Variants in KIF18A observed in about 807,000 individuals in gnomAD.
KIF18A encodes kinesin family member 18A, also known as kinesin-like protein KIF18A.
A neutral mutation model predicts 103.3 loss-of-function variants in KIF18A; 67 were observed. That is an observed-to-expected ratio of 0.65 (90% CI 0.53 to 0.79). KIF18A has a LOEUF of 0.79. KIF18A is among the 30% of genes least tolerant of loss of function. KIF18A has a pLI of 0.00. For missense variants in KIF18A, 1,032 were observed against 1,062.5 expected, an observed-to-expected ratio of 0.97 and a Z score of 0.40; for synonymous variants, 367 against 355.5, an observed-to-expected ratio of 1.03 and a Z score of -0.36.
chr11:28,072,212 CCACAA>C (rs1851025897), intron 10 of KIF18A, among the ~76,000 whole-genome samples: 1 of 152,150 alleles, frequency 6.6e-6, no homozygotes, highest in Non-Finnish European at 1.5e-5. Flanking sequence ...CCCCTGCACA[CCACAA>C]AAGTCTTGCG....
intron 15 of KIF18A, among the ~76,000 whole-genome samples, chr11:28,028,827 TA>T (rs1300389442): frequency 6.6e-6 from 1 of 151,340 alleles, no homozygotes; most frequent in Admixed American, 6.6e-5. Context: ...ATAGACACAA[TA>T]AAAAAAGATA....
In KIF18A at chr11:28,043,127, C is replaced by A. The variant is rs543335544; in HGVS notation, c.1949-6463G>T. ...GGCAACATCTGAACACTAAAAGTAGCGCTAAGAGGCTCTAAAATTCAGTCC... is the reference window on the plus strand; with the variant it reads ...GGCAACATCTGAACACTAAAAGTAGAGCTAAGAGGCTCTAAAATTCAGTCC... On this transcript the variant is annotated intron_variant, in intron 13 of 16. Transcript: ENST00000263181. 3.3e-5 allele frequency among the ~76,000 whole-genome samples: 5 copies of A among 151,848 alleles called. No individual in the cohort carries two copies. In the East Asian group the frequency reaches 9.7e-4, roughly 30 times the overall value.
chr11:28,040,457 T>G (rs1471702625), intron 13 of KIF18A, among the ~76,000 whole-genome samples: 1 of 151,550 alleles, frequency 6.6e-6, no homozygotes, highest in African/African-American at 2.4e-5. Context: ...AGAGTAGAAG[T>G]GATAAGAAGG....
chr11:28,089,654 G>C (rs1464101308), intron 5 of KIF18A, among the ~76,000 whole-genome samples: 5 of 152,132 alleles, frequency 3.3e-5, no homozygotes, highest in Admixed American at 3.3e-4. Flanking sequence ...TATGTGGACT[G>C]TTGTTGACTG....
At chr11:28,103,436 AAAG>A (rs746394609) in intron 1 of KIF18A, among the ~76,000 whole-genome samples, 7 of 152,130 alleles carry the variant, frequency 4.6e-5, no homozygotes, top group African/African-American at 7.2e-5. Flanking sequence ...GGGTATCAAA[AAAG>A]AAGAATGAAG....
In KIF18A at chr11:28,088,617, G is replaced by T. The variant is rs371665658; in HGVS notation, c.804C>A (p.Ser268=). ...DLAGSERAST[S]GAKGTRFVEG... is the part of the protein sequence containing the mutation. ...CTACAAATCGGGTCCCCTTAGCACC[G>T]GAAGTACTTGCTCGCTCAGATCCTG... is the stretch of plus-strand genomic sequence containing the variant. Residue 268 remains serine (S), a synonymous_variant, in exon 6 of 17, where the codon TCC becomes TCA. Coordinates refer to ENST00000263181, the MANE Select transcript of KIF18A (RefSeq NM_031217.4). 6.2e-7 allele frequency: 1 copy of T among 1,613,788 alleles called. No homozygotes were observed. The highest frequency in any genetic ancestry group is 1.3e-5 in the African/African-American group (1 of 74,886).
intron 2 of KIF18A, 49 bp from the exon 3 acceptor site, chr11:28,094,849 CTATTA>C: frequency 6.6e-7 from 1 of 1,515,914 alleles, no homozygotes. Context: ...AAATATAACT[CTATTA>C]TATCTACTAT....
intron 1 of KIF18A, among the ~76,000 whole-genome samples, chr11:28,107,005 TTAC>T (rs1851529035): frequency 6.6e-6 from 1 of 152,098 alleles, no homozygotes; most frequent in Admixed American, 6.5e-5. Flanking sequence ...AGGAGATTAA[TTAC>T]TACTATTAAA....
chr11:28,058,592 G>A (rs1240858195), intron 13 of KIF18A, among the ~76,000 whole-genome samples: 3 of 143,950 alleles, frequency 2.1e-5, no homozygotes, highest in African/African-American at 2.6e-5. Context: ...AGCCCAGGAG[G>A]TGGAGGCTGC....
In KIF18A at chr11:28,059,126, T is replaced by C. The variant is rs1850825367; in HGVS notation, c.1748A>G (p.Gln583Arg). 1.2e-6 allele frequency: 2 copies of C among 1,614,024 alleles called. No individual in the cohort carries two copies. Among genetic ancestry groups the C allele is most frequent in the Non-Finnish European group, 1.7e-6 (2 of 1,179,900 alleles). Residue 583 changes from glutamine to arginine, a missense_variant, in exon 13 of 17, where the codon CAA (glutamine) becomes CGA (arginine). Gln to Arg is a conservative substitution (Grantham distance 43, BLOSUM62 1). Coordinates refer to ENST00000263181, the MANE Select transcript of KIF18A (RefSeq NM_031217.4). ...LNALLPTLRK[Q>R]YCTLKEAGLS... The stretch of plus-strand genomic sequence containing the variant: ...GCCGGCTTCTTTTAATGTGCAATAT[T>C]GTTTTCTTAGGGTTGGAAGTAAAGC...
chr11:28,105,598 C>G (rs1481564750), intron 1 of KIF18A, among the ~76,000 whole-genome samples: 2 of 152,122 alleles, frequency 1.3e-5, no homozygotes, highest in Non-Finnish European at 2.9e-5. Context: ...TGACCAAAAT[C>G]TCCCTATTTC....
chr11:28,031,577 T>C (rs1006658364), intron 15 of KIF18A, among the ~76,000 whole-genome samples: 4 of 151,738 alleles, frequency 2.6e-5, no homozygotes, highest in African/African-American at 2.4e-5. Flanking sequence ...ATATACCAAA[T>C]GTAAATAACG....
intron 6 of KIF18A, among the ~76,000 whole-genome samples, chr11:28,086,721 T>G (rs559267877): frequency 6.6e-6 from 1 of 152,220 alleles, no homozygotes; most frequent in Non-Finnish European, 1.5e-5. Flanking sequence ...GTGTGAAATA[T>G]GCACTGCTGG....
intron 9 of KIF18A, among the ~76,000 whole-genome samples, chr11:28,078,975 C>T (rs1430571207): frequency 6.6e-6 from 1 of 151,986 alleles, no homozygotes; most frequent in East Asian, 1.9e-4. Context: ...TAATTTTTAT[C>T]ATTAACTTCT....
intron 2 of KIF18A, among the ~76,000 whole-genome samples, chr11:28,095,163 C>T (rs1046532950): frequency 6.6e-6 from 1 of 152,176 alleles, no homozygotes; most frequent in African/African-American, 2.4e-5. Context: ...CTTAATTGTT[C>T]CAGGTTTACA....
intron 5 of KIF18A, among the ~76,000 whole-genome samples, chr11:28,090,137 A>AT (rs1295131716): frequency 3.9e-5 from 6 of 152,206 alleles, no homozygotes; most frequent in Admixed American, 1.3e-4. Context: ...AATAATAGCT[A>AT]TTAACCTATG....
chr11:28,030,235 G>T (rs1400559798), intron 15 of KIF18A, among the ~76,000 whole-genome samples: 1 of 149,488 alleles, frequency 6.7e-6, no homozygotes, highest in Non-Finnish European at 1.5e-5. Flanking sequence ...CAATCCTAAG[G>T]CAAAAGAACA....
intron 10 of KIF18A, among the ~76,000 whole-genome samples, chr11:28,073,881 T>A (rs1468755561): frequency 6.6e-6 from 1 of 152,222 alleles, no homozygotes; most frequent in Non-Finnish European, 1.5e-5. Flanking sequence ...AAAGTTGAGA[T>A]GTTAAGTCAA....
intron 5 of KIF18A, among the ~76,000 whole-genome samples, chr11:28,089,057 G>A (rs1315713605): frequency 2.0e-5 from 3 of 152,074 alleles, no homozygotes; most frequent in Admixed American, 1.3e-4. Flanking sequence ...TAGAAATAAC[G>A]TTCCTAAGAA....
Sources: gnomAD v4.1 joint callset for allele counts (sites outside exome capture counted in the v4.1 genomes callset) on GRCh38, gnomAD v4.1.1 for gene constraint, MANE v1.5 for transcripts, NCBI Gene and HGNC (gene_info 2026-07-23, HGNC 2026-07-21) for gene names.